Variants in SLC9A9 observed in about 807,000 individuals in gnomAD.
The protein encoded by SLC9A9 is solute carrier family 9 member A9, also known as sodium/hydrogen exchanger 9.
Under a neutral mutation model 77.8 loss-of-function variants are expected in SLC9A9, and 62 were observed. The observed-to-expected ratio is 0.80, with a 90% confidence interval of 0.65 to 0.98. The LOEUF is 0.98. Among genes scored for constraint, SLC9A9 ranks in the 50% least tolerant of loss-of-function variants. The pLI, the probability that SLC9A9 is intolerant of heterozygous loss-of-function variation, is 0.00. For missense variants in SLC9A9, 775 were observed against 774.9 expected (o/e 1.00, Z 0.00); for synonymous variants, 320 against 283.5 (o/e 1.13, Z -1.29).
At chr3:143,302,529 G>A (rs962457340) in intron 14 of SLC9A9, among the ~76,000 whole-genome samples, 2 of 152,188 alleles carry the variant, frequency 1.3e-5, no homozygotes, top group Non-Finnish European at 2.9e-5. Flanking sequence ...TGAGGTTTGT[G>A]TGGAGTGGCG....
Position 143,667,336 on chromosome 3 carries a change from T to C in SLC9A9, c.650-14976A>G, listed in dbSNP as rs577611103. ...ACCTTATACAAAAATTAATTCAAGATGGATTAAAGACTTAAATGTTAGACT... is the reference window on the plus strand; with the variant it reads ...ACCTTATACAAAAATTAATTCAAGACGGATTAAAGACTTAAATGTTAGACT... On this transcript the variant is annotated intron_variant, in intron 5 of 15. Coordinates refer to ENST00000316549, the MANE Select transcript of SLC9A9 (RefSeq NM_173653.4). Among the ~76,000 whole-genome samples, 140 of 152,302 alleles carry C rather than the reference T, an allele frequency of 9.2e-4. 1 individual carries two copies. Among genetic ancestry groups the C allele is most frequent in the African/African-American group, 3.2e-3 (133 of 41,558 alleles).
At chr3:143,832,932 G>A (rs556139103) in intron 1 of SLC9A9, among the ~76,000 whole-genome samples, 5 of 151,950 alleles carry the variant, frequency 3.3e-5, no homozygotes, top group South Asian at 2.1e-4. Context: ...TAATTTTTCC[G>A]TTTTGAATCT....
intron 11 of SLC9A9, among the ~76,000 whole-genome samples, chr3:143,490,414 C>A (rs201387972): frequency 2.1e-5 from 1 of 48,622 alleles, no homozygotes; most frequent in East Asian, 4.7e-4. Context: ...GTGAAATAAA[C>A]CAATCACAAA....
At chr3:143,845,943 T>G (rs1269670700) in intron 1 of SLC9A9, among the ~76,000 whole-genome samples, 1 of 152,208 alleles carries the variant, frequency 6.6e-6, no homozygotes, top group Non-Finnish European at 1.5e-5. Context: ...CCAACTTAAT[T>G]CCACTCATAA....
intron 9 of SLC9A9, among the ~76,000 whole-genome samples, chr3:143,501,198 G>A (rs2035918210): frequency 6.6e-6 from 1 of 150,486 alleles, no homozygotes; most frequent in Non-Finnish European, 1.5e-5. Context: ...ATAAATTATA[G>A]TATAATACAT....
intron 6 of SLC9A9, among the ~76,000 whole-genome samples, chr3:143,635,407 A>G (rs1257265237): frequency 6.6e-6 from 1 of 152,162 alleles, no homozygotes; most frequent in African/African-American, 2.4e-5. Context: ...GTGTCAATGA[A>G]TTTGGGGGCT....
intron 6 of SLC9A9, among the ~76,000 whole-genome samples, chr3:143,643,585 CTT>C (rs2038656248): frequency 6.6e-6 from 1 of 152,188 alleles, no homozygotes; most frequent in Non-Finnish European, 1.5e-5. Flanking sequence ...TGATTTTTCT[CTT>C]GTTTCTCACA....
chr3:143,274,113 A>G (rs764128159), intron 14 of SLC9A9, among the ~76,000 whole-genome samples: 5 of 152,234 alleles, frequency 3.3e-5, no homozygotes, highest in Non-Finnish European at 5.9e-5. Flanking sequence ...ACAAATGATC[A>G]TATCTCAGCT....
intron 14 of SLC9A9, among the ~76,000 whole-genome samples, chr3:143,350,983 G>A (rs1481571832): frequency 6.6e-6 from 1 of 152,112 alleles, no homozygotes; most frequent in African/African-American, 2.4e-5. Flanking sequence ...TCTCTCCTTT[G>A]TGTTCTCACA....
At chr3:143,407,293 A>G (rs1216196976) in intron 12 of SLC9A9, among the ~76,000 whole-genome samples, 6 of 152,336 alleles carry the variant, frequency 3.9e-5, no homozygotes, top group Admixed American at 6.5e-5. Flanking sequence ...TGAGAAGACA[A>G]ATGCAAAGAT....
intron 6 of SLC9A9, among the ~76,000 whole-genome samples, chr3:143,637,194 C>T (rs910192614): frequency 5.9e-5 from 9 of 151,750 alleles, no homozygotes; most frequent in Non-Finnish European, 8.8e-5. Flanking sequence ...GGGAGTTCAA[C>T]GAGATCCAAG....
In SLC9A9 at chr3:143,298,578, T is replaced by C. The variant is rs191805068; in HGVS notation, c.1605-29598A>G. Among the ~76,000 whole-genome samples, 43 of 152,360 alleles carry C rather than the reference T, an allele frequency of 2.8e-4. No individual in the cohort carries two copies. The East Asian group carries it at 7.5e-3, about 27-fold the overall frequency. On this transcript the variant is annotated intron_variant, in intron 14 of 15. Coordinates refer to ENST00000316549, the MANE Select transcript of SLC9A9 (RefSeq NM_173653.4). ...AGACCTGCTGCCTTGGAACAGATGC[T>C]GCTGGTTAAGAATAGATTTCTAAGT... is the stretch of plus-strand genomic sequence containing the variant.
At chr3:143,572,959 G>A (rs1428304770) in intron 8 of SLC9A9, among the ~76,000 whole-genome samples, 1 of 152,132 alleles carries the variant, frequency 6.6e-6, no homozygotes, top group Non-Finnish European at 1.5e-5. Flanking sequence ...TTTCACAGAT[G>A]GAGTTTCATT....
rs1430874757 is a variant in SLC9A9 at position 143,354,978 on chromosome 3, A to G, written c.1604+8506T>C. Among the ~76,000 whole-genome samples, 5 of 152,226 alleles carry G rather than the reference A, an allele frequency of 3.3e-5. No individual in the cohort carries two copies. The South Asian group carries it at 1.0e-3, about 32-fold the overall frequency. ...AAGAGAAAAATTGCTGCACTTCTCTATCAAGTCAAAATTGCTATCTGTAGT... is the reference window on the plus strand; with the variant it reads ...AAGAGAAAAATTGCTGCACTTCTCTGTCAAGTCAAAATTGCTATCTGTAGT... On this transcript the variant is annotated intron_variant, in intron 14 of 15. Coordinates refer to ENST00000316549, the MANE Select transcript of SLC9A9 (RefSeq NM_173653.4).
rs181964244 is a variant in SLC9A9 at position 143,618,453 on chromosome 3, A to G, written c.755+33802T>C. 1.5e-3 allele frequency among the ~76,000 whole-genome samples: 232 copies of G among 152,286 alleles called. 1 individual carries two copies. The highest frequency in any genetic ancestry group is 4.2e-3 in the African/African-American group (173 of 41,558). On this transcript the variant is annotated intron_variant, in intron 6 of 15. Transcript: ENST00000316549. Reference sequence around the variant, plus strand: ...GCTTTGTCAGGAGTCTCAGGGCCCAATGTTCATTCCAGATTGGAAAGTCTG... The same window carrying G: ...GCTTTGTCAGGAGTCTCAGGGCCCAGTGTTCATTCCAGATTGGAAAGTCTG...
chr3:143,567,066 C>T (rs2037180608), intron 8 of SLC9A9, among the ~76,000 whole-genome samples: 1 of 152,032 alleles, frequency 6.6e-6, no homozygotes, highest in Non-Finnish European at 1.5e-5. Context: ...AGAAAACAGG[C>T]CTCTGCACAA....
At chr3:143,395,795 A>T (rs1213584506) in intron 12 of SLC9A9, among the ~76,000 whole-genome samples, 2 of 152,268 alleles carry the variant, frequency 1.3e-5, no homozygotes, top group East Asian at 3.8e-4. Flanking sequence ...AAAGGATATG[A>T]ACAGACACTT....
chr3:143,752,763 G>C, intron 4 of SLC9A9, among the ~76,000 whole-genome samples: 1 of 151,632 alleles, frequency 6.6e-6, no homozygotes, highest in Non-Finnish European at 1.5e-5. Flanking sequence ...TTTAGCAGTA[G>C]GTAGAACATT....
intron 6 of SLC9A9, among the ~76,000 whole-genome samples, chr3:143,581,163 A>G (rs1331896984): frequency 6.6e-6 from 1 of 152,214 alleles, no homozygotes; most frequent in Non-Finnish European, 1.5e-5. Flanking sequence ...GCAAGGTAGC[A>G]TGTCATCAGA....
Sources: gnomAD v4.1 joint callset for allele counts (sites outside exome capture counted in the v4.1 genomes callset) on GRCh38, gnomAD v4.1.1 for gene constraint, MANE v1.5 for transcripts, NCBI Gene and HGNC (gene_info 2026-07-23, HGNC 2026-07-21) for gene names.